The following PCSK2 variants were observed in gnomAD, a reference collection of about 807,000 sequenced individuals.
PCSK2 encodes neuroendocrine convertase 2.
PCSK2 carries 14 observed loss-of-function variants against 69.7 expected under a neutral mutation model. The observed-to-expected ratio is 0.20, with a 90% CI of 0.13 to 0.31. The LOEUF is 0.31. PCSK2 is among the 10% of genes least tolerant of loss of function. The probability of loss-of-function intolerance (pLI) is 1.00; values close to 1 mark genes in which losing one functional copy is unlikely to be tolerated. For missense variants in PCSK2, 544 were observed against 842.5 expected, an observed-to-expected ratio of 0.65 and a Z score of 4.39; for synonymous variants, 307 against 320.7, an observed-to-expected ratio of 0.96 and a Z score of 0.46.
intron 8 of PCSK2, among the ~76,000 whole-genome samples, chr20:17,452,694 G>A (rs1039132671): frequency 2.0e-4 from 30 of 152,326 alleles, no homozygotes; most frequent in Admixed American, 7.8e-4. Flanking sequence ...CCTTGCCTCC[G>A]GCACTGCATG....
chr20:17,351,413 CCA>C (rs1568613880), intron 2 of PCSK2, among the ~76,000 whole-genome samples: 1 of 152,138 alleles, frequency 6.6e-6, no homozygotes, highest in African/African-American at 2.4e-5. Flanking sequence ...AAACTACAGG[CCA>C]ATATCCCTGA....
At chr20:17,229,750 T>G (rs569848755) in intron 1 of PCSK2, among the ~76,000 whole-genome samples, 8 of 152,250 alleles carry the variant, frequency 5.3e-5, no homozygotes, top group African/African-American at 1.9e-4. Context: ...AACATCTGCC[T>G]AGAATAAACC....
chr20:17,385,066 G>A (rs563207890), intron 5 of PCSK2, among the ~76,000 whole-genome samples: 1 of 152,312 alleles, frequency 6.6e-6, no homozygotes, highest in South Asian at 2.1e-4. Flanking sequence ...TTATCGGAAC[G>A]CAGCCATGCT....
chr20:17,452,445 G>A (rs767466924), intron 8 of PCSK2, among the ~76,000 whole-genome samples: 1 of 152,218 alleles, frequency 6.6e-6, no homozygotes, highest in Non-Finnish European at 1.5e-5. Context: ...GATTGAAAAT[G>A]TCACATCTGA....
chr20:17,288,725 A>G (rs2123061415), intron 2 of PCSK2, among the ~76,000 whole-genome samples: 1 of 152,370 alleles, frequency 6.6e-6, no homozygotes, highest in South Asian at 2.1e-4. Flanking sequence ...GAGGAAGGCC[A>G]TCTGCAACCC....
At chr20:17,303,522 A>C (rs1458116918) in intron 2 of PCSK2, among the ~76,000 whole-genome samples, 1 of 26,476 alleles carries the variant, frequency 3.8e-5, no homozygotes, top group African/African-American at 1.1e-4. Context: ...ATATAATATA[A>C]TATATATTAT....
intron 3 of PCSK2, among the ~76,000 whole-genome samples, chr20:17,359,745 A>G (rs773784634): frequency 1.3e-5 from 2 of 152,252 alleles, no homozygotes; most frequent in African/African-American, 4.8e-5. Context: ...TAGCAATATC[A>G]TAACAGCCAC....
chr20:17,417,413 G>C (rs976693621), intron 6 of PCSK2, among the ~76,000 whole-genome samples: 1 of 152,168 alleles, frequency 6.6e-6, no homozygotes, highest in African/African-American at 2.4e-5. Context: ...GCCTTAGGGA[G>C]CCAATGATTA....
At chr20:17,276,267 G>T (rs539228008) in intron 2 of PCSK2, among the ~76,000 whole-genome samples, 1 of 152,152 alleles carries the variant, frequency 6.6e-6, no homozygotes, top group South Asian at 2.1e-4. Context: ...GAAGCATTTT[G>T]CTCCAGCTTT....
At chr20:17,287,375 T>A (rs934350122) in intron 2 of PCSK2, among the ~76,000 whole-genome samples, 69 of 150,548 alleles carry the variant, frequency 4.6e-4, no homozygotes, top group African/African-American at 1.5e-3. Context: ...TACTTGCAAA[T>A]ATTTATTCAT....
At chr20:17,473,040 G>C (rs1296631615) in intron 11 of PCSK2, among the ~76,000 whole-genome samples, 1 of 149,456 alleles carries the variant, frequency 6.7e-6, no homozygotes, top group Non-Finnish European at 1.5e-5. Flanking sequence ...TATAAGACTG[G>C]AACACTACGA....
At chr20:17,337,786 A>G (rs1883534) in intron 2 of PCSK2, among the ~76,000 whole-genome samples, 91,814 of 151,308 alleles carry the variant, frequency 0.61, 29,000 homozygotes, top group East Asian at 0.97. Context: ...TTAATTAGCC[A>G]GGTATGGTGG....
At chr20:17,362,017 C>T (rs2030413256) in intron 4 of PCSK2, among the ~76,000 whole-genome samples, 1 of 152,172 alleles carries the variant, frequency 6.6e-6, no homozygotes, top group African/African-American at 2.4e-5. Flanking sequence ...ACTGGGTATC[C>T]CCAGCCGGGG....
chr20:17,290,126 C>T (rs1988649614), intron 2 of PCSK2, among the ~76,000 whole-genome samples: 2 of 152,250 alleles, frequency 1.3e-5, no homozygotes, highest in African/African-American at 4.8e-5. Flanking sequence ...TTAGTGAAAG[C>T]AATTTTTTTC....
At chr20:17,358,300 G>A (rs1463002797) in intron 2 of PCSK2, 27 bp from the exon 3 acceptor site, 1 of 1,212,932 alleles carries the variant, frequency 8.2e-7, no homozygotes. Flanking sequence ...ATTATATTCA[G>A]GTAATATGTC....
intron 10 of PCSK2, among the ~76,000 whole-genome samples, chr20:17,460,455 G>A (rs2032996837): frequency 6.6e-6 from 1 of 152,112 alleles, no homozygotes; most frequent in Admixed American, 6.6e-5. Context: ...TTGCTGTTCT[G>A]AATAAAACTG....
chr20:17,264,224 G>A (rs1338905859), intron 2 of PCSK2, among the ~76,000 whole-genome samples: 1 of 152,164 alleles, frequency 6.6e-6, no homozygotes, highest in Non-Finnish European at 1.5e-5. Flanking sequence ...TCTTATGGAA[G>A]CAAAATAATT....
At chr20:17,272,821 T>G (rs1350472525) in intron 2 of PCSK2, among the ~76,000 whole-genome samples, 1 of 152,100 alleles carries the variant, frequency 6.6e-6, no homozygotes, top group Admixed American at 6.6e-5. Flanking sequence ...ATTTGAAGAC[T>G]GTTTATATGG....
intron 2 of PCSK2, among the ~76,000 whole-genome samples, chr20:17,311,001 C>CAAAAAAAA (rs113825389): frequency 8.9e-6 from 1 of 112,488 alleles, no homozygotes. Context: ...GACTCCGTCT[C>CAAAAAAAA]AAAAAAAAAA....
Sources: allele counts gnomAD v4.1 joint callset (sites outside exome capture counted in the v4.1 genomes callset), GRCh38; gene constraint gnomAD v4.1.1; transcripts MANE v1.5; gene names NCBI Gene and HGNC (gene_info 2026-07-23, HGNC 2026-07-21).